ABR: variants seen among roughly 807,000 people sequenced by gnomAD.
ABR encodes the protein ABR activator of RhoGEF and GTPase.
In ABR, 35 loss-of-function variants were observed where a neutral mutation model predicts 107.2. The observed-to-expected ratio is 0.33, with a 90% CI of 0.25 to 0.43. The LOEUF (loss-of-function observed/expected upper bound fraction) is 0.43. ABR is among the 20% of genes least tolerant of loss of function. The pLI is 1.00. For synonymous variants in ABR, 498 were observed against 462.0 expected, an observed-to-expected ratio of 1.08 and a Z score of -1.00; for missense variants, 815 against 1,115.2, an observed-to-expected ratio of 0.73 and a Z score of 3.83.
intron 1 of ABR, among the ~76,000 whole-genome samples, chr17:1,128,434 A>C (rs993046394): frequency 6.6e-6 from 1 of 152,236 alleles, no homozygotes; most frequent in Non-Finnish European, 1.5e-5. Context: ...CAGAAATCCT[A>C]CTGTATTCGG....
chr17:1,128,878 A>G (rs951512117), intron 1 of ABR, among the ~76,000 whole-genome samples: 2 of 133,474 alleles, frequency 1.5e-5, no homozygotes, highest in Admixed American at 7.6e-5. Flanking sequence ...ACAAGCTGGG[A>G]GTCCAGGTCA....
chr17:1,192,963 C>T (rs561220217), intron 1 of ABR, among the ~76,000 whole-genome samples: 16 of 152,134 alleles, frequency 1.1e-4, no homozygotes, highest in African/African-American at 3.9e-4. Context: ...CAGGAGAATC[C>T]CTTGAACCCA....
chr17:1,039,868 C>A (rs527813422), intron 16 of ABR, among the ~76,000 whole-genome samples: 39 of 152,162 alleles, frequency 2.6e-4, no homozygotes, highest in Admixed American at 2.0e-3. Flanking sequence ...GGCGCCGACG[C>A]GGGCTGATCT....
chr17:1,033,241 C>T (rs1335491502), intron 16 of ABR, among the ~76,000 whole-genome samples: 1 of 152,208 alleles, frequency 6.6e-6, no homozygotes, highest in Non-Finnish European at 1.5e-5. Context: ...GATTTCTCCT[C>T]AGAGGCCTTG....
chr17:1,087,201 T>G (rs895366355), intron 4 of ABR, among the ~76,000 whole-genome samples: 3 of 152,222 alleles, frequency 2.0e-5, no homozygotes, highest in Non-Finnish European at 4.4e-5. Context: ...CAGGGGCCTC[T>G]GCTTCCCACC....
chr17:1,077,541 C>T (rs769466037), intron 6 of ABR, among the ~76,000 whole-genome samples: 3 of 152,190 alleles, frequency 2.0e-5, no homozygotes, highest in Non-Finnish European at 2.9e-5. Flanking sequence ...CCTGCTGGGC[C>T]GCAGGAGAGA....
chr17:1,057,883 G>T, intron 12 of ABR, 87 bp downstream of exon 12: 1 of 1,244,590 alleles, frequency 8.0e-7, no homozygotes, highest in Non-Finnish European at 1.2e-6. Flanking sequence ...CCAAAGACGT[G>T]ATACTGGACA....
At chr17:1,170,140 G>A (rs550142019) in intron 1 of ABR, among the ~76,000 whole-genome samples, 1 of 152,312 alleles carries the variant, frequency 6.6e-6, no homozygotes, top group South Asian at 2.1e-4. Context: ...CTAGGAAGAG[G>A]CAGCCCAGTT....
intron 2 of ABR, among the ~76,000 whole-genome samples, chr17:1,122,790 G>T: frequency 6.6e-6 from 1 of 152,196 alleles, no homozygotes; most frequent in South Asian, 2.1e-4. Flanking sequence ...CACCCTGTTG[G>T]TTTTGTTTCT....
chr17:1,162,356 G>A (rs1055988302), intron 1 of ABR, among the ~76,000 whole-genome samples: 4 of 152,216 alleles, frequency 2.6e-5, no homozygotes, highest in African/African-American at 9.6e-5. Context: ...CCTAGACACA[G>A]CCTGGTTTCC....
chr17:1,018,318 G>A (rs55671412), intron 16 of ABR, among the ~76,000 whole-genome samples: 35,929 of 151,860 alleles, frequency 0.24, 4,503 homozygotes, highest in Admixed American at 0.33. Context: ...CTGGGATTAC[G>A]GGCGTGAGCC....
At position 1,069,936 on chromosome 17, in the gene ABR, C is replaced by T. The variant is rs769079626; in HGVS notation, c.1016+33G>A. 3.2e-6 allele frequency: 5 copies of T among 1,572,042 alleles called. 1 individual carries two copies. The highest frequency in any genetic ancestry group is 2.3e-5 in the East Asian group (1 of 42,704). ...ACCCCGCAGAGGTCCGGACCCCCTC[C>T]CCCGCCCCGTGCCCCTGGACTCACA... On this transcript the variant is annotated intron_variant, in intron 9 of 22. Coordinates refer to ENST00000302538, the MANE Select transcript of ABR (RefSeq NM_021962.5).
At chr17:1,066,488 TA>T (rs1359206582) in intron 10 of ABR, among the ~76,000 whole-genome samples, 2 of 152,142 alleles carry the variant, frequency 1.3e-5, no homozygotes, top group Non-Finnish European at 2.9e-5. Context: ...TGCTTTTCCT[TA>T]CAAAAGCCTG....
intron 2 of ABR, among the ~76,000 whole-genome samples, chr17:1,118,303 G>A: frequency 1.4e-5 from 1 of 72,776 alleles, no homozygotes. Context: ...CCCTGAGCCT[G>A]AGTTCTCCCC....
chr17:1,114,351 T>A (rs1425031198), intron 2 of ABR, among the ~76,000 whole-genome samples: 1 of 151,298 alleles, frequency 6.6e-6, no homozygotes, highest in African/African-American at 2.4e-5. Context: ...AGGCCTGTAA[T>A]CCCAGCTACT....
At chr17:1,147,499 TAC>T (rs1177878599) in intron 1 of ABR, among the ~76,000 whole-genome samples, 1 of 152,114 alleles carries the variant, frequency 6.6e-6, no homozygotes, top group East Asian at 1.9e-4. Flanking sequence ...TAGCTGGGAT[TAC>T]AGTCACCCAC....
chr17:1,109,612 G>T lies in ABR; in HGVS notation c.247-8877C>A, dbSNP rs979245791. 8.5e-5 allele frequency among the ~76,000 whole-genome samples: 13 copies of T among 152,128 alleles called. 1 individual carries two copies. Among genetic ancestry groups the T allele is most frequent in the African/African-American group, 3.1e-4 (13 of 41,542 alleles). On this transcript the variant is annotated intron_variant, in intron 2 of 22. Coordinates refer to ENST00000302538, the MANE Select transcript of ABR (RefSeq NM_021962.5). ...TCATTCCCCGCGCGCGGCCGAGCCAGGAGCCCGGCGAGCAGGGGCGACCCC... is the reference window on the plus strand; with the variant it reads ...TCATTCCCCGCGCGCGGCCGAGCCATGAGCCCGGCGAGCAGGGGCGACCCC...
At chr17:1,187,729 T>TA (rs2042340099), upstream of ABR, among the ~76,000 whole-genome samples, 2 of 147,866 alleles carry the variant, frequency 1.4e-5, no homozygotes, top group African/African-American at 2.5e-5. Flanking sequence ...ATCTCTACTT[T>TA]AAAAAAATAC....
At chr17:1,165,306 T>C (rs1003807468) in intron 1 of ABR, among the ~76,000 whole-genome samples, 16 of 152,124 alleles carry the variant, frequency 1.1e-4, no homozygotes, top group Non-Finnish European at 2.2e-4. Context: ...CAGAGGGAGC[T>C]CCTCACAAGC....
Sources: gnomAD v4.1 joint callset for allele counts (sites outside exome capture counted in the v4.1 genomes callset) on GRCh38, gnomAD v4.1.1 for gene constraint, MANE v1.5 for transcripts, NCBI Gene and HGNC (gene_info 2026-07-23, HGNC 2026-07-21) for gene names.